AGBL2: variants seen among roughly 807,000 people sequenced by gnomAD.
The protein encoded by AGBL2 is AGBL carboxypeptidase 2, also known as cytosolic carboxypeptidase 2.
In AGBL2, 87 loss-of-function variants were observed where a neutral mutation model predicts 103.0. The observed-to-expected ratio is 0.84, with a 90% confidence interval of 0.71 to 1.01. The LOEUF is 1.01. Ranked by LOEUF, AGBL2 falls within the 50% of genes least tolerant of loss-of-function variation. AGBL2 has a pLI of 0.00. For synonymous variants in AGBL2, 335 were observed against 356.7 expected, an observed-to-expected ratio of 0.94 and a Z score of 0.69; for missense variants, 904 against 1,023.5, an observed-to-expected ratio of 0.88 and a Z score of 1.59.
At chr11:47,710,909 CAAAA>C (rs60310587) in intron 3 of AGBL2, 529 of 331,156 alleles carry the variant, frequency 1.6e-3, no homozygotes, top group South Asian at 2.2e-3. Context: ...GATCCTGTCT[CAAAA>C]AAAAAAAAAA....
At position 47,690,696 on chromosome 11, in the gene AGBL2, C is replaced by T. The variant is rs2097441807; in HGVS notation, c.1011G>A (p.Lys337=). The change falls in exon 10 of 19, where the codon AAG becomes AAA. Residue 337 remains lysine (K), a synonymous_variant. Transcript: ENST00000525123. Reference sequence around the variant, plus strand: ...CATCCAATTGGGAGTACAAGAGTGGCTTCATCCCTACAGTATAAAGACTCT... The same window carrying T: ...CATCCAATTGGGAGTACAAGAGTGGTTTCATCCCTACAGTATAAAGACTCT... ...KPKSLYTVGM[K]PLLYSQLDAN... 6.2e-7 allele frequency: 1 copy of T among 1,614,028 alleles called. No individual in the cohort carries two copies. The highest frequency in any genetic ancestry group is 1.1e-5 in the South Asian group (1 of 91,088).
At chr11:47,712,213 T>A (rs1398774952) in intron 3 of AGBL2, among the ~76,000 whole-genome samples, 1 of 152,132 alleles carries the variant, frequency 6.6e-6, no homozygotes, top group East Asian at 1.9e-4. Context: ...TGAATGACAG[T>A]GATTTGGATT....
chr11:47,669,319 C>T (rs2097350292), intron 14 of AGBL2, among the ~76,000 whole-genome samples: 1 of 152,190 alleles, frequency 6.6e-6, no homozygotes, highest in South Asian at 2.1e-4. Flanking sequence ...CCTCTTGCCT[C>T]AGCCTCTTAA....
rs2097419620 is a variant in AGBL2, at chr11:47,685,322, C to G, written c.1788+571G>C. Among the ~76,000 whole-genome samples, 3 of 152,068 alleles carry G rather than the reference C, an allele frequency of 2.0e-5. No homozygotes were observed. The South Asian group carries it at 6.2e-4, about 32-fold the overall frequency. ...GTGGCAGGGGTCTCCCTATGTTGCC[C>G]AGGCTGGTCTTGAACTCCTGGGCTC... On this transcript the variant is annotated intron_variant, in intron 11 of 18. Transcript: ENST00000525123.
At position 47,691,732 on chromosome 11, in the gene AGBL2, AT is replaced by A. The variant is rs1565059167; in HGVS notation, c.848+370del. On this transcript the variant is annotated intron_variant, in intron 9 of 18. Transcript: ENST00000525123. ...CAAGAAAAAAAAAAAAAAAAAAAAT[AT>A]ATATATATATATATATATATATAAT... Among the ~76,000 whole-genome samples the A allele has an allele frequency of 3.2e-4, 29 of 91,388 alleles. 3 individuals are homozygous for A. Among genetic ancestry groups the A allele is most frequent in the Non-Finnish European group, 2.5e-4 (11 of 44,834 alleles). The allele number at this position is 91,388 out of a possible 152,430, so 60.0% of individuals were successfully genotyped here. A position where few individuals can be genotyped will look rare whatever the true frequency, so the allele number is the denominator to read the frequency against.
At chr11:47,669,509 G>A (rs2097350877) in intron 14 of AGBL2, among the ~76,000 whole-genome samples, 1 of 151,886 alleles carries the variant, frequency 6.6e-6, no homozygotes, top group Middle Eastern at 3.4e-3. Context: ...GTGAAACCCC[G>A]TCTCTATTAA....
Position 47,680,093 on chromosome 11 carries a change from CG to C in AGBL2, c.1916-21del. Reference sequence around the variant, plus strand: ...TATTACCTGGAAAAAAAAAAAACCCCGCAAACATTTCCAATTAAATCTTAGT... The same window carrying C: ...TATTACCTGGAAAAAAAAAAAACCCCCAAACATTTCCAATTAAATCTTAGT... On this transcript the variant is annotated intron_variant, in intron 12 of 18. Coordinates refer to ENST00000525123, the MANE Select transcript of AGBL2 (RefSeq NM_024783.4). 1.5e-6 allele frequency: 2 copies of C among 1,354,112 alleles called. No homozygotes were observed. Among genetic ancestry groups the C allele is most frequent in the South Asian group, 2.5e-5 (2 of 80,516 alleles). The allele number at this position is 1,354,112 out of a possible 1,614,324, so 83.9% of individuals were successfully genotyped here.
At chr11:47,677,203 T>C in intron 14 of AGBL2, 68 bp downstream of exon 14, 1 of 1,295,120 alleles carries the variant, frequency 7.7e-7, no homozygotes, top group African/African-American at 1.5e-5. Flanking sequence ...AGACAACATC[T>C]CACTATATCA....
rs1159461758 is a variant in AGBL2 at position 47,660,349 on chromosome 11, G to A, written c.2536-3C>T. ...ACTGTAAAGCCTGGCTTCTTATTCT[G>A]TGCAAATAAGATTTTAAAAAGTTGA... On this transcript the variant is annotated splice_region_variant and splice_polypyrimidine_tract_variant and intron_variant, in intron 18 of 18. Coordinates refer to ENST00000525123, the MANE Select transcript of AGBL2 (RefSeq NM_024783.4). The A allele has an allele frequency of 6.3e-6, 10 of 1,591,518 alleles. No individual in the cohort carries two copies. The highest frequency in any genetic ancestry group is 8.6e-6 in the Non-Finnish European group (10 of 1,169,188).
chr11:47,679,738 T>C (rs2097394157), intron 13 of AGBL2, among the ~76,000 whole-genome samples: 1 of 151,358 alleles, frequency 6.6e-6, no homozygotes, highest in South Asian at 2.1e-4. Flanking sequence ...GCCTCCTAGG[T>C]TCAAGTGATT....
Position 47,660,238 on chromosome 11 carries a change from C to T in AGBL2, c.2644G>A (p.Ala882Thr). The change falls in exon 19 of 19, where the codon GCC becomes ACC. Residue 882 changes from alanine (A) to threonine (T), a missense_variant. Coordinates refer to ENST00000525123, the MANE Select transcript of AGBL2 (RefSeq NM_024783.4). ...KPNWPRSRYP[A>T]TKRGCAAMAA... ...ATGGCAGCACAGCCTCTCTTTGTGG[C>T]AGGATATCTGCTCCTAGGCCAGTTT... The T allele has an allele frequency of 1.2e-6, 2 of 1,614,216 alleles. No individual in the cohort carries two copies. Among genetic ancestry groups the T allele is most frequent in the Non-Finnish European group, 1.7e-6 (2 of 1,180,052 alleles).
chr11:47,686,123 C>T (rs776057393), intron 10 of AGBL2, 74 bp from the exon 11 acceptor site: 107 of 1,487,478 alleles, frequency 7.2e-5, no homozygotes, highest in Middle Eastern at 1.7e-4. Context: ...TTTGGTATCT[C>T]TTCCTTAAAT....
intron 11 of AGBL2, among the ~76,000 whole-genome samples, chr11:47,683,391 G>A (rs2097409979): frequency 6.6e-6 from 1 of 151,526 alleles, no homozygotes; most frequent in Non-Finnish European, 1.5e-5. Flanking sequence ...GAGAGAGGAA[G>A]GAAGGAAAGC....
intron 1 of AGBL2, 56 bp downstream of exon 1, chr11:47,715,119 C>A: frequency 6.1e-6 from 1 of 164,606 alleles, no homozygotes; most frequent in Non-Finnish European, 1.3e-5. Context: ...TGGTCTGGGG[C>A]AGGTGGTGAG....
chr11:47,674,723 G>A (rs922232044), intron 14 of AGBL2, among the ~76,000 whole-genome samples: 3 of 151,798 alleles, frequency 2.0e-5, no homozygotes, highest in Non-Finnish European at 4.4e-5. Context: ...TCTGATTTAG[G>A]TTATTTATTT....
In AGBL2 at chr11:47,699,543, T is replaced by C; in HGVS notation, c.597A>G (p.Pro199=). The C allele has an allele frequency of 6.3e-7, 1 of 1,594,772 alleles. No individual in the cohort carries two copies. Among genetic ancestry groups the C allele is most frequent in the Non-Finnish European group, 8.6e-7 (1 of 1,167,448 alleles). The part of the protein sequence containing the change: ...KENIHHIEWA[P]PQPEYFYQPK... ...GCTGATAGAAATATTCTGGTTGAGG[T>C]GGAGCCCACTCTGAAAGAAGACATT... The change falls in exon 8 of 19, where the codon CCA becomes CCG. Residue 199 remains proline (P), a synonymous_variant. Transcript: ENST00000525123.
chr11:47,679,224 G>T (rs1598951582), intron 13 of AGBL2, among the ~76,000 whole-genome samples: 1 of 151,754 alleles, frequency 6.6e-6, no homozygotes, highest in Admixed American at 6.6e-5. Flanking sequence ...CTGGAGACCA[G>T]CCTGGGAACG....
chr11:47,699,750 T>C (rs1468704577), intron 7 of AGBL2, among the ~76,000 whole-genome samples, 197 bp from the exon 8 acceptor site: 1 of 152,142 alleles, frequency 6.6e-6, no homozygotes, highest in Non-Finnish European at 1.5e-5. Flanking sequence ...GAGGACACTT[T>C]TAACAAAGAG....
Position 47,685,922 on chromosome 11 carries a change from A to G in AGBL2, c.1759T>C (p.Leu587=). 6.2e-7 allele frequency: 1 copy of G among 1,614,042 alleles called. No homozygotes were observed. The highest frequency in any genetic ancestry group is 1.1e-5 in the South Asian group (1 of 91,048). Residue 587 remains leucine (L), a synonymous_variant, in exon 11 of 19, where the codon TTA becomes CTA. Coordinates refer to ENST00000525123, the MANE Select transcript of AGBL2 (RefSeq NM_024783.4). Reference sequence around the variant, plus strand: ...TCTGGTGCATTTTTGCATAACATTAAAGGAAAGACTCGTTCATGAAGCCAG... The same window carrying G: ...TCTGGTGCATTTTTGCATAACATTAGAGGAAAGACTCGTTCATGAAGCCAG... ...KYWLHERVFP[L]MLCKNAPDKF...
Sources: allele counts gnomAD v4.1 joint callset (sites outside exome capture counted in the v4.1 genomes callset), GRCh38; gene constraint gnomAD v4.1.1; transcripts MANE v1.5; gene names NCBI Gene and HGNC (gene_info 2026-07-23, HGNC 2026-07-21).